RANBP2: variants seen among roughly 807,000 people sequenced by gnomAD.
RANBP2 encodes E3 SUMO-protein ligase RanBP2.
A neutral mutation model predicts 303.6 loss-of-function variants in RANBP2; 57 were observed. The observed-to-expected ratio is 0.19, with a 90% CI of 0.15 to 0.23. RANBP2 has a LOEUF of 0.23. Ranked by LOEUF, RANBP2 falls within the 10% of genes least tolerant of loss-of-function variation. RANBP2 has a pLI of 1.00. For synonymous variants in RANBP2, 1,167 were observed against 1,301.5 expected (o/e 0.90, Z 2.23); for missense variants, 3,138 against 3,780.8 (o/e 0.83, Z 4.46).
the RANBP2 span, among the ~76,000 whole-genome samples, chr2:109,346,472 A>G: frequency 6.6e-6 from 1 of 152,160 alleles, no homozygotes; most frequent in Admixed American, 6.5e-5. Context: ...GGCTTCTGGT[A>G]GGAAAATCGT....
chr2:109,728,457 A>AT, the RANBP2 span, among the ~76,000 whole-genome samples: 4 of 151,010 alleles, frequency 2.6e-5, no homozygotes, highest in East Asian at 1.9e-4. Context: ...TAAAAAATTT[A>AT]TTTTTTTTTA....
At chr2:108,915,699 C>A in the RANBP2 span, among the ~76,000 whole-genome samples, 1 of 152,060 alleles carries the variant, frequency 6.6e-6, no homozygotes, top group Non-Finnish European at 1.5e-5. Context: ...GAGTTTGAGA[C>A]CACCCTGGCC....
At chr2:109,221,665 T>C in the RANBP2 span, among the ~76,000 whole-genome samples, 1 of 152,108 alleles carries the variant, frequency 6.6e-6, no homozygotes, top group African/African-American at 2.4e-5. Context: ...TGGCCATTTC[T>C]GTGTCTTTTG....
chr2:109,206,877 A>G, the RANBP2 span, among the ~76,000 whole-genome samples: 5 of 152,348 alleles, frequency 3.3e-5, no homozygotes, highest in East Asian at 9.6e-4. Context: ...GAGCATTCTC[A>G]GTGCCCCTTC....
At chr2:108,786,568 G>C (rs1349438520), downstream of RANBP2, among the ~76,000 whole-genome samples, 1 of 152,168 alleles carries the variant, frequency 6.6e-6, no homozygotes, top group Non-Finnish European at 1.5e-5. Context: ...TGGCACCCAG[G>C]CAGCCGGGGC....
At chr2:108,937,652 GTGTA>G in the RANBP2 span, among the ~76,000 whole-genome samples, 1 of 151,788 alleles carries the variant, frequency 6.6e-6, no homozygotes, top group African/African-American at 2.4e-5. Context: ...GTGTGTATAT[GTGTA>G]TGTTTATATG....
the RANBP2 span, among the ~76,000 whole-genome samples, chr2:109,114,891 C>G: frequency 1.3e-5 from 2 of 152,172 alleles, no homozygotes; most frequent in Non-Finnish European, 2.9e-5. Flanking sequence ...TCGTTATGTA[C>G]CCAGTAGTCA....
the RANBP2 span, among the ~76,000 whole-genome samples, chr2:109,569,557 GGAGA>G: frequency 1.3e-5 from 2 of 151,860 alleles, no homozygotes; most frequent in Non-Finnish European, 1.5e-5. Context: ...ATGCTCCCAA[GGAGA>G]GAAATTTTTT....
chr2:109,474,707 T>TA, the RANBP2 span, among the ~76,000 whole-genome samples: 1 of 152,232 alleles, frequency 6.6e-6, no homozygotes, highest in Non-Finnish European at 1.5e-5. Flanking sequence ...GCATCGCAGA[T>TA]ACTTCACCAC....
the RANBP2 span, among the ~76,000 whole-genome samples, chr2:109,487,855 G>T: frequency 1.3e-5 from 2 of 152,260 alleles, no homozygotes; most frequent in Middle Eastern, 3.2e-3. Flanking sequence ...AATGCCTGTT[G>T]TGTTCTCAGC....
the RANBP2 span, among the ~76,000 whole-genome samples, chr2:109,148,796 T>G: frequency 6.6e-6 from 1 of 152,244 alleles, no homozygotes; most frequent in African/African-American, 2.4e-5. Flanking sequence ...TGGTGTTCTT[T>G]TATTTTTAGG....
At chr2:108,745,044 A>G (rs1449079687) in intron 7 of RANBP2, among the ~76,000 whole-genome samples, 1 of 151,358 alleles carries the variant, frequency 6.6e-6, no homozygotes, top group Non-Finnish European at 1.5e-5. Flanking sequence ...ATATTATTCC[A>G]TTGTATGGAT....
At chr2:109,275,940 A>G in the RANBP2 span, among the ~76,000 whole-genome samples, 1 of 152,094 alleles carries the variant, frequency 6.6e-6, no homozygotes, top group Admixed American at 6.5e-5. Flanking sequence ...ATGACCATGG[A>G]ATGGATTTAT....
the RANBP2 span, among the ~76,000 whole-genome samples, chr2:109,712,244 G>A: frequency 2.0e-5 from 3 of 152,104 alleles, no homozygotes; most frequent in African/African-American, 7.2e-5. Context: ...GAGAGAACCA[G>A]GGTCAGTGGT....
chr2:108,972,788 G>C, the RANBP2 span, among the ~76,000 whole-genome samples: 1 of 152,128 alleles, frequency 6.6e-6, no homozygotes, highest in South Asian at 2.1e-4. Flanking sequence ...GGTGAGGACC[G>C]GGGGGCCTCC....
At chr2:109,161,045 G>C in the RANBP2 span, among the ~76,000 whole-genome samples, 1 of 152,162 alleles carries the variant, frequency 6.6e-6, no homozygotes, top group South Asian at 2.1e-4. Context: ...GAGATGGAGA[G>C]GCAGAAGTAG....
chr2:109,239,308 T>C, the RANBP2 span, among the ~76,000 whole-genome samples: 1 of 152,128 alleles, frequency 6.6e-6, no homozygotes, highest in Non-Finnish European at 1.5e-5. Flanking sequence ...TTTTATCCCT[T>C]CCTAGGGGGC....
At chr2:109,482,591 A>G in the RANBP2 span, among the ~76,000 whole-genome samples, 1 of 152,154 alleles carries the variant, frequency 6.6e-6, no homozygotes, top group South Asian at 2.1e-4. Context: ...CATGACCCCT[A>G]AGAGGGGGAG....
At chr2:108,945,120 C>T in the RANBP2 span, among the ~76,000 whole-genome samples, 4 of 152,198 alleles carry the variant, frequency 2.6e-5, no homozygotes, top group Middle Eastern at 3.4e-3. Flanking sequence ...GCTGCCTGTC[C>T]GTGAGGCAGC....
Sources: allele counts gnomAD v4.1 joint callset (sites outside exome capture counted in the v4.1 genomes callset), GRCh38; gene constraint gnomAD v4.1.1; transcripts MANE v1.5; gene names NCBI Gene and HGNC (gene_info 2026-07-23, HGNC 2026-07-21).